SBF2: variants seen among roughly 807,000 people sequenced by gnomAD.
SBF2 encodes the protein myotubularin-related protein 13.
A neutral mutation model predicts 225.2 loss-of-function variants in SBF2; 112 were observed. The ratio of observed to expected loss-of-function variants is 0.50; its 90% CI spans 0.43 to 0.58. The LOEUF (loss-of-function observed/expected upper bound fraction) is 0.58. Among genes scored for constraint, SBF2 ranks in the 20% least tolerant of loss-of-function variants. SBF2 has a pLI of 0.00. For missense variants in SBF2, 1,996 were observed against 2,206.2 expected, an observed-to-expected ratio of 0.90 and a Z score of 1.91; for synonymous variants, 763 against 773.3, an observed-to-expected ratio of 0.99 and a Z score of 0.22.
intron 29 of SBF2, among the ~76,000 whole-genome samples, chr11:9,816,432 A>G (rs1408061771): frequency 2.0e-5 from 3 of 152,054 alleles, no homozygotes; most frequent in Admixed American, 6.5e-5. Context: ...CCATTCTTCT[A>G]TGTTTCTGTA....
At chr11:9,889,506 T>G (rs61876922) in intron 17 of SBF2, among the ~76,000 whole-genome samples, 28,260 of 152,186 alleles carry the variant, frequency 0.19, 2,977 homozygotes, top group Middle Eastern at 0.23. Context: ...TAAATTTATA[T>G]TTCTTTAAAC....
chr11:10,117,607 T>C (rs1456826109), intron 2 of SBF2, among the ~76,000 whole-genome samples: 1 of 152,196 alleles, frequency 6.6e-6, no homozygotes, highest in Non-Finnish European at 1.5e-5. Flanking sequence ...TGAAAGTTTA[T>C]GAACTTTCAA....
intron 1 of SBF2, among the ~76,000 whole-genome samples, chr11:10,223,793 G>A (rs1958438256): frequency 6.6e-6 from 1 of 151,948 alleles, no homozygotes; most frequent in Non-Finnish European, 1.5e-5. Flanking sequence ...CCAACTTACT[G>A]GAGAGATAAA....
chr11:9,953,611 G>A (rs1233145487), intron 16 of SBF2, among the ~76,000 whole-genome samples: 1 of 152,108 alleles, frequency 6.6e-6, no homozygotes, highest in African/African-American at 2.4e-5. Context: ...CCAGCTTGAC[G>A]CAAAACTTTC....
At chr11:10,068,392 T>G (rs1950716699) in intron 2 of SBF2, among the ~76,000 whole-genome samples, 1 of 152,166 alleles carries the variant, frequency 6.6e-6, no homozygotes, top group Non-Finnish European at 1.5e-5. Context: ...ACCTGACCAT[T>G]TTAACCACTT....
intron 2 of SBF2, among the ~76,000 whole-genome samples, chr11:10,148,347 C>T (rs940337425): frequency 4.6e-5 from 7 of 152,026 alleles, no homozygotes; most frequent in African/African-American, 7.2e-5. Context: ...ACATTTGCCT[C>T]GAAATGACTT....
At chr11:10,193,241 G>GA (rs146676336) in intron 2 of SBF2, among the ~76,000 whole-genome samples, 2,026 of 144,654 alleles carry the variant, frequency 0.014, 26 homozygotes, top group South Asian at 0.039. Flanking sequence ...ACATTTTCAG[G>GA]AAAAAAAAAA....
intron 26 of SBF2, chr11:9,838,336 T>C (rs1036450628): frequency 2.0e-5 from 3 of 151,942 alleles, no homozygotes; most frequent in Non-Finnish European, 2.9e-5. Flanking sequence ...AAATTTTATT[T>C]TACTTCTGAC....
chr11:10,145,886 C>A (rs1331160607), intron 2 of SBF2, among the ~76,000 whole-genome samples: 1 of 152,132 alleles, frequency 6.6e-6, no homozygotes, highest in Admixed American at 6.5e-5. Context: ...TTTCAGGATA[C>A]AATATCAACA....
chr11:10,117,440 CAA>C (rs57722094), intron 2 of SBF2, among the ~76,000 whole-genome samples: 173 of 40,906 alleles, frequency 4.2e-3, no homozygotes, highest in African/African-American at 0.012. Context: ...GAATCCAACT[CAA>C]AAAAAAAAAA....
At chr11:10,069,467 T>G (rs957895430) in intron 2 of SBF2, among the ~76,000 whole-genome samples, 1 of 152,160 alleles carries the variant, frequency 6.6e-6, no homozygotes, top group Admixed American at 6.5e-5. Flanking sequence ...ACTTCATCCA[T>G]GTACCTGCAA....
intron 2 of SBF2, among the ~76,000 whole-genome samples, chr11:10,129,835 T>C (rs1953945143): frequency 6.6e-6 from 1 of 151,774 alleles, no homozygotes; most frequent in Non-Finnish European, 1.5e-5. Context: ...GAGACCCCCA[T>C]CTCTAAACAA....
At chr11:10,049,925 T>C (rs1950002945) in intron 2 of SBF2, among the ~76,000 whole-genome samples, 1 of 152,204 alleles carries the variant, frequency 6.6e-6, no homozygotes, top group Non-Finnish European at 1.5e-5. Context: ...TTTTCTAAAA[T>C]GAGCCTCAGA....
intron 1 of SBF2, among the ~76,000 whole-genome samples, chr11:10,233,023 T>C (rs575037189): frequency 6.6e-6 from 1 of 152,324 alleles, no homozygotes; most frequent in East Asian, 1.9e-4. Context: ...ATCCAGTCTA[T>C]AATAGAAAAT....
chr11:10,274,219 A>G (rs1345344233), intron 1 of SBF2, among the ~76,000 whole-genome samples: 1 of 152,196 alleles, frequency 6.6e-6, no homozygotes, highest in Non-Finnish European at 1.5e-5. Context: ...TCCTTCCCAT[A>G]CAGAGGCAGG....
At chr11:9,844,218 C>A (rs1480497063) in intron 24 of SBF2, among the ~76,000 whole-genome samples, 2 of 152,190 alleles carry the variant, frequency 1.3e-5, no homozygotes, top group African/African-American at 4.8e-5. Context: ...TTCAGCATAC[C>A]ATACCTGGAT....
chr11:10,146,097 C>A (rs531955602), intron 2 of SBF2, among the ~76,000 whole-genome samples: 2 of 152,250 alleles, frequency 1.3e-5, no homozygotes, highest in South Asian at 2.1e-4. Context: ...ATGGAAAAAA[C>A]ATTCCATGCT....
intron 16 of SBF2, among the ~76,000 whole-genome samples, chr11:9,937,084 A>G (rs1199531120): frequency 6.6e-6 from 1 of 152,240 alleles, no homozygotes; most frequent in East Asian, 1.9e-4. Flanking sequence ...GAATAGTATA[A>G]ATCCCAGAAG....
intron 1 of SBF2, among the ~76,000 whole-genome samples, chr11:10,279,792 G>A (rs1411893374): frequency 6.6e-6 from 1 of 152,172 alleles, no homozygotes; most frequent in Non-Finnish European, 1.5e-5. Flanking sequence ...TGGAATTACA[G>A]GCACGCACCA....
Sources: gnomAD v4.1 joint callset for allele counts (sites outside exome capture counted in the v4.1 genomes callset) on GRCh38, gnomAD v4.1.1 for gene constraint, MANE v1.5 for transcripts, NCBI Gene and HGNC (gene_info 2026-07-23, HGNC 2026-07-21) for gene names.